Variants in EML6 observed in about 807,000 individuals in gnomAD.
EML6 encodes the protein echinoderm microtubule-associated protein-like 6.
In EML6, 154 loss-of-function variants were observed where a neutral mutation model predicts 240.1. That is an observed-to-expected ratio of 0.64 (90% CI 0.56 to 0.73). The LOEUF (loss-of-function observed/expected upper bound fraction) is 0.73. EML6 is among the 30% of genes least tolerant of loss of function. EML6 has a pLI of 0.00. For synonymous variants in EML6, 1,148 were observed against 899.0 expected, an observed-to-expected ratio of 1.28 and a Z score of -4.95; for missense variants, 2,964 against 2,474.6, an observed-to-expected ratio of 1.20 and a Z score of -4.20.
At chr2:54,929,461 A>T (rs890145229) in intron 28 of EML6, among the ~76,000 whole-genome samples, 1 of 152,244 alleles carries the variant, frequency 6.6e-6, no homozygotes, top group Admixed American at 6.5e-5. Context: ...GTGGATATTG[A>T]ATAAAAACTC....
At chr2:54,920,864 C>A (rs1674208876) in intron 26 of EML6, among the ~76,000 whole-genome samples, 1 of 152,000 alleles carries the variant, frequency 6.6e-6, no homozygotes, top group Non-Finnish European at 1.5e-5. Context: ...ATATGCAAGT[C>A]AGTAAATGTG....
intron 25 of EML6, 37 bp downstream of exon 25, chr2:54,911,079 G>A (rs1673615665): frequency 3.5e-6 from 4 of 1,138,496 alleles, no homozygotes; most frequent in Admixed American, 4.3e-5. Flanking sequence ...AAGATATTTT[G>A]TGAAGATTTA....
At chr2:54,834,438 G>T (rs73935670) in intron 7 of EML6, among the ~76,000 whole-genome samples, 6,382 of 152,200 alleles carry the variant, frequency 0.042, 469 homozygotes, top group African/African-American at 0.14. Context: ...GGTTATAAAT[G>T]ATTCTGTCTA....
chr2:54,797,829 G>A (rs184025091), intron 2 of EML6, among the ~76,000 whole-genome samples: 10 of 152,202 alleles, frequency 6.6e-5, no homozygotes, highest in Non-Finnish European at 1.3e-4. Context: ...ACTTCTCTGG[G>A]CTTCAGTGTC....
chr2:54,847,083 T>C (rs879515184), intron 8 of EML6, among the ~76,000 whole-genome samples: 1 of 151,710 alleles, frequency 6.6e-6, no homozygotes, highest in Non-Finnish European at 1.5e-5. Context: ...AATTTTTGTA[T>C]TTTTTGTAGA....
chr2:54,948,862 C>T lies in EML6; in HGVS notation c.4005-20C>T, dbSNP rs1199502133. ...GCCCTTGTTCAATGCTGTGCTTCCT[C>T]TGGCCGCTCTCTCTTCCAGACCACC... is the stretch of plus-strand genomic sequence containing the variant. On this transcript the variant is annotated intron_variant, in intron 28 of 41. Transcript: ENST00000356458. The T allele has an allele frequency of 6.5e-7, 1 of 1,546,622 alleles. No homozygotes were observed. The highest frequency in any genetic ancestry group is 8.8e-7 in the Non-Finnish European group (1 of 1,142,650).
At chr2:54,759,192 G>A (rs1237995372) in intron 2 of EML6, among the ~76,000 whole-genome samples, 3 of 149,702 alleles carry the variant, frequency 2.0e-5, no homozygotes, top group East Asian at 1.9e-4. Flanking sequence ...TTCTTTTCAG[G>A]TAGTAGGAAA....
chr2:54,795,248 C>A (rs1669696531), intron 2 of EML6, among the ~76,000 whole-genome samples: 1 of 152,106 alleles, frequency 6.6e-6, no homozygotes, highest in South Asian at 2.1e-4. Context: ...AACTTAGAAT[C>A]ATGGCAGAAG....
chr2:54,802,584 C>G (rs983685787), intron 2 of EML6, among the ~76,000 whole-genome samples: 2 of 151,766 alleles, frequency 1.3e-5, no homozygotes, highest in Non-Finnish European at 2.9e-5. Flanking sequence ...TGCCACTGCA[C>G]TTCAGCCTGG....
At chr2:54,854,029 C>A (rs1270327985) in intron 11 of EML6, among the ~76,000 whole-genome samples, 174 bp downstream of exon 11, 1 of 152,178 alleles carries the variant, frequency 6.6e-6, no homozygotes, top group Non-Finnish European at 1.5e-5. Context: ...CTACTTTTGA[C>A]ATCTTAAGAT....
chr2:54,803,081 C>A (rs1251567635), intron 2 of EML6, among the ~76,000 whole-genome samples: 4 of 151,972 alleles, frequency 2.6e-5, no homozygotes, highest in Non-Finnish European at 2.9e-5. Context: ...ATATGATCCT[C>A]ATTGAAAGAG....
At position 54,895,410 on chromosome 2, in the gene EML6, G is replaced by C. The variant is rs142242760; in HGVS notation, c.2982+10G>C. The C allele has an allele frequency of 2.3e-4, 351 of 1,551,670 alleles. No homozygotes were observed. In the African/African-American group the frequency reaches 2.9e-3, roughly 13 times the overall value. On this transcript the variant is annotated intron_variant, in intron 21 of 41. Transcript: ENST00000356458. ...GACACTGCTTGTTCAGGTACTGTTTGTATGTATTCTAAACTGCAGTTCACA... is the reference window on the plus strand; with the variant it reads ...GACACTGCTTGTTCAGGTACTGTTTCTATGTATTCTAAACTGCAGTTCACA...
At chr2:54,752,569 G>A (rs534973822) in intron 2 of EML6, among the ~76,000 whole-genome samples, 2 of 151,992 alleles carry the variant, frequency 1.3e-5, no homozygotes, top group Non-Finnish European at 2.9e-5. Context: ...TTTTGTGTGG[G>A]GCTGAATTAT....
chr2:54,818,874 T>C (rs987256444), intron 4 of EML6, among the ~76,000 whole-genome samples: 1 of 152,236 alleles, frequency 6.6e-6, no homozygotes. Context: ...GTATGAATTA[T>C]TGACTGCTTA....
intron 35 of EML6, among the ~76,000 whole-genome samples, chr2:54,961,196 T>TTTTGTTTTTTTTTTTTTTTTTTTTG (rs1558729658): frequency 8.3e-6 from 1 of 119,782 alleles, no homozygotes; most frequent in Non-Finnish European, 1.7e-5. Context: ...TTTTTTTTTT[T>TTTTGTTTTTTTTTTTTTTTTTTTTG]TTTTTTTGAG....
intron 11 of EML6, among the ~76,000 whole-genome samples, chr2:54,854,849 T>C (rs1358709510): frequency 1.3e-5 from 2 of 152,184 alleles, no homozygotes. Flanking sequence ...GCCCTTTGAG[T>C]AATAGGGCAT....
intron 10 of EML6, among the ~76,000 whole-genome samples, chr2:54,852,340 G>A (rs550697585): frequency 2.4e-4 from 36 of 152,156 alleles, no homozygotes; most frequent in Non-Finnish European, 4.1e-4. Flanking sequence ...TACCATTGCA[G>A]AAATATGTAT....
intron 26 of EML6, among the ~76,000 whole-genome samples, chr2:54,923,560 A>G (rs1674379603): frequency 6.6e-6 from 1 of 152,232 alleles, no homozygotes; most frequent in Non-Finnish European, 1.5e-5. Context: ...TAAATTTTAG[A>G]CATCAAGATA....
chr2:54,908,810 G>A (rs141022046), intron 24 of EML6, among the ~76,000 whole-genome samples: 165 of 152,214 alleles, frequency 1.1e-3, no homozygotes, highest in African/African-American at 3.7e-3. Context: ...TTTACCAAGA[G>A]AGAACTTTGA....
Sources: gnomAD v4.1 joint callset for allele counts (sites outside exome capture counted in the v4.1 genomes callset) on GRCh38, gnomAD v4.1.1 for gene constraint, MANE v1.5 for transcripts, NCBI Gene and HGNC (gene_info 2026-07-23, HGNC 2026-07-21) for gene names.